Variants in MECOM observed in about 807,000 individuals in gnomAD.
MECOM encodes the protein MDS1 and EVI1 complex locus.
Under a neutral mutation model 116.3 loss-of-function variants are expected in MECOM, and 13 were observed. That is an observed-to-expected ratio of 0.11 (90% CI 0.07 to 0.18). MECOM has a LOEUF of 0.18. Ranked by LOEUF, MECOM falls within the 10% of genes least tolerant of loss-of-function variation. The probability of loss-of-function intolerance (pLI) is 1.00; values close to 1 mark genes in which losing one functional copy is unlikely to be tolerated. For synonymous variants in MECOM, 528 were observed against 535.2 expected (o/e 0.99, Z 0.19); for missense variants, 1,299 against 1,509.0 (o/e 0.86, Z 2.31).
intron 1 of MECOM, among the ~76,000 whole-genome samples, chr3:169,480,720 G>A (rs1413652259): frequency 6.6e-6 from 1 of 152,124 alleles, no homozygotes; most frequent in African/African-American, 2.4e-5. Context: ...GGAGATGAAG[G>A]GAGATAAGCT....
intron 2 of MECOM, among the ~76,000 whole-genome samples, chr3:169,202,936 T>C (rs1024608193): frequency 6.6e-6 from 1 of 151,196 alleles, no homozygotes; most frequent in Non-Finnish European, 1.5e-5. Flanking sequence ...AAATGTAATA[T>C]ACAAGGGACT....
chr3:169,433,683 AAGAAAGAG>A (rs773708195), intron 1 of MECOM, among the ~76,000 whole-genome samples: 10 of 150,228 alleles, frequency 6.7e-5, no homozygotes, highest in African/African-American at 9.8e-5. Context: ...GAAAGAAAGA[AAGAAAGAG>A]AAAGAAAGAA....
chr3:169,290,896 T>C (rs945206429), intron 2 of MECOM, among the ~76,000 whole-genome samples: 1 of 152,142 alleles, frequency 6.6e-6, no homozygotes, highest in East Asian at 1.9e-4. Flanking sequence ...TTCATTCTCA[T>C]GAAAAAAATT....
chr3:169,348,958 T>C (rs544192871), intron 2 of MECOM, among the ~76,000 whole-genome samples: 1 of 152,054 alleles, frequency 6.6e-6, no homozygotes, highest in African/African-American at 2.4e-5. Context: ...AAGGCTATGA[T>C]TGGTTGTTAA....
chr3:169,630,452 T>TAAAAAAAAAAA (rs71166258), intron 1 of MECOM, among the ~76,000 whole-genome samples: 1 of 131,322 alleles, frequency 7.6e-6, no homozygotes, highest in Non-Finnish European at 1.6e-5. Context: ...AATTTATTCT[T>TAAAAAAAAAAA]AAAAAAAAAA....
chr3:169,417,402 A>T (rs1738849751), intron 1 of MECOM, among the ~76,000 whole-genome samples: 2 of 152,176 alleles, frequency 1.3e-5, no homozygotes, highest in Non-Finnish European at 2.9e-5. Context: ...TCAAAACCAC[A>T]ATGAGATACC....
At chr3:169,188,195 A>C (rs944755675) in intron 2 of MECOM, among the ~76,000 whole-genome samples, 2 of 152,124 alleles carry the variant, frequency 1.3e-5, no homozygotes, top group Non-Finnish European at 2.9e-5. Context: ...CAAGTTCTTG[A>C]CAATGCCAAG....
chr3:169,378,756 A>G (rs1158223419), intron 2 of MECOM, among the ~76,000 whole-genome samples: 1 of 151,976 alleles, frequency 6.6e-6, no homozygotes, highest in Admixed American at 6.6e-5. Flanking sequence ...GCTTTGCAGG[A>G]AGAAAAGAGC....
At position 169,386,623 on chromosome 3, in the gene MECOM, A is replaced by C. The variant is rs140762342; in HGVS notation, c.38-5099T>G. On this transcript the variant is annotated intron_variant, in intron 1 of 16. Coordinates refer to ENST00000651503, the MANE Select transcript of MECOM (RefSeq NM_004991.4). ...ATATTCCATTATAGGAATCCACAAC[A>C]GCTGAACTACTTCCATGGATTTTAT... Among the ~76,000 whole-genome samples the C allele has an allele frequency of 4.3e-4, 65 of 152,286 alleles. 1 individual carries two copies. The highest frequency in any genetic ancestry group is 1.5e-3 in the African/African-American group (62 of 41,580).
At chr3:169,339,570 G>A (rs953273230) in intron 2 of MECOM, among the ~76,000 whole-genome samples, 3 of 152,178 alleles carry the variant, frequency 2.0e-5, no homozygotes, top group African/African-American at 7.2e-5. Context: ...TCACCTGGGT[G>A]CTTATCAGAA....
chr3:169,527,322 A>G (rs771995691), intron 1 of MECOM, among the ~76,000 whole-genome samples: 1 of 152,234 alleles, frequency 6.6e-6, no homozygotes, highest in Non-Finnish European at 1.5e-5. Flanking sequence ...AACTTTCGTT[A>G]GTGACTTTGG....
intron 2 of MECOM, among the ~76,000 whole-genome samples, chr3:169,273,909 C>CTTTTTT (rs545229387): frequency 6.0e-5 from 7 of 117,100 alleles, no homozygotes; most frequent in African/African-American, 1.1e-4. Flanking sequence ...CTCTCCAAAG[C>CTTTTTT]TTTTTTTTTT....
At chr3:169,310,374 C>T (rs1718526748) in intron 2 of MECOM, among the ~76,000 whole-genome samples, 1 of 152,210 alleles carries the variant, frequency 6.6e-6, no homozygotes, top group Non-Finnish European at 1.5e-5. Flanking sequence ...CGCTGATACT[C>T]AGTCCTTTAT....
At chr3:169,451,329 A>G (rs1443174749) in intron 1 of MECOM, among the ~76,000 whole-genome samples, 1 of 152,238 alleles carries the variant, frequency 6.6e-6, no homozygotes, top group Non-Finnish European at 1.5e-5. Flanking sequence ...TCTGTAAAGA[A>G]AAGTCTTATA....
At chr3:169,412,254 C>G (rs1737674952) in intron 1 of MECOM, among the ~76,000 whole-genome samples, 1 of 143,960 alleles carries the variant, frequency 6.9e-6, no homozygotes, top group South Asian at 2.1e-4. Context: ...CCACTGCACT[C>G]TAGCCTGGGC....
intron 1 of MECOM, among the ~76,000 whole-genome samples, chr3:169,382,125 G>A (rs752455145): frequency 1.2e-4 from 19 of 152,146 alleles, no homozygotes; most frequent in Non-Finnish European, 1.8e-4. Context: ...CTTATGCAGA[G>A]AAGAAAGTTA....
chr3:169,292,466 G>T (rs1312701015), intron 2 of MECOM, among the ~76,000 whole-genome samples: 1 of 152,190 alleles, frequency 6.6e-6, no homozygotes, highest in East Asian at 1.9e-4. Context: ...AGGATTGATT[G>T]TTTCAACCCT....
intron 2 of MECOM, among the ~76,000 whole-genome samples, chr3:169,156,218 T>A (rs1482669676): frequency 6.6e-6 from 1 of 152,140 alleles, no homozygotes. Context: ...CTAAATACAC[T>A]TAAGTCTAAA....
chr3:169,177,432 C>T (rs555063191), intron 2 of MECOM, among the ~76,000 whole-genome samples: 2 of 151,990 alleles, frequency 1.3e-5, no homozygotes, highest in Admixed American at 6.6e-5. Flanking sequence ...AATACCTGGA[C>T]ACAGGGAGGG....
Sources: allele counts gnomAD v4.1 joint callset (sites outside exome capture counted in the v4.1 genomes callset), GRCh38; gene constraint gnomAD v4.1.1; transcripts MANE v1.5; gene names NCBI Gene and HGNC (gene_info 2026-07-23, HGNC 2026-07-21).